Variants in DCUN1D3 observed in about 807,000 individuals in gnomAD.
DCUN1D3 encodes the protein DCN1-like protein 3.
DCUN1D3 carries 6 observed loss-of-function variants against 24.8 expected under a neutral mutation model. The observed-to-expected ratio is 0.24, with a 90% confidence interval of 0.13 to 0.48. The LOEUF is 0.48. DCUN1D3 is among the 20% of genes least tolerant of loss of function. DCUN1D3 has a pLI of 0.99. For synonymous variants in DCUN1D3, 120 were observed against 144.9 expected (o/e 0.83, Z 1.24); for missense variants, 258 against 379.4 (o/e 0.68, Z 2.66).
Position 20,860,847 on chromosome 16 carries a change from A to G in DCUN1D3, c.432-478T>C, listed in dbSNP as rs2081728721. ...GAGCCAAGGATTCTGAACCTGAGTA[A>G]TTCTACCACCAGAGATCAAAATTCT... On this transcript the variant is annotated intron_variant, in intron 2 of 2. Coordinates refer to ENST00000324344, the MANE Select transcript of DCUN1D3 (RefSeq NM_173475.4). The surrounding 1 kb of genome is among the most constrained non-coding windows in gnomAD (Gnocchi z 4.3). Among the ~76,000 whole-genome samples the G allele has an allele frequency of 6.6e-6, 1 of 152,228 alleles. No homozygotes were observed. The highest frequency in any genetic ancestry group is 1.5e-5 in the Non-Finnish European group (1 of 68,040).
intron 1 of DCUN1D3, among the ~76,000 whole-genome samples, chr16:20,889,013 A>C (rs2081879491): frequency 6.6e-6 from 1 of 152,162 alleles, no homozygotes; most frequent in Non-Finnish European, 1.5e-5. Context: ...AGATCACTTG[A>C]GGTCAGGAAT....
At position 20,857,762 on chromosome 16, in the gene DCUN1D3, C is replaced by T. The variant is rs1293598939; in HGVS notation, c.*2124G>A. 1 of 152,028 alleles carries T rather than the reference C, an allele frequency of 6.6e-6. No individual in the cohort carries two copies. The highest frequency in any genetic ancestry group is 6.5e-5 in the Admixed American group (1 of 15,272). The allele number at this position is 152,028 out of a possible 1,614,324, so 9.4% of individuals were successfully genotyped here. The stretch of plus-strand genomic sequence containing the variant: ...CTTCAGCTTTCTAGCAGTACTATAC[C>T]GTGGGTGATCTTAAAGTTTCCCATT... On this transcript the variant is annotated 3_prime_UTR_variant, in exon 3 of 3. Transcript: ENST00000324344.
chr16:20,862,634 G>C lies in DCUN1D3; in HGVS notation c.-96C>G. 1 of 1,518,320 alleles carries C rather than the reference G, an allele frequency of 6.6e-7. No individual in the cohort carries two copies. The highest frequency in any genetic ancestry group is 1.3e-5 in the South Asian group (1 of 75,772). 94.1% of individuals were successfully genotyped at this position (1,518,320 alleles called of 1,614,324 possible). A position where few individuals can be genotyped will look rare whatever the true frequency, so the allele number is the denominator to read the frequency against. ...CCTCAACATGCCATCAGCCAGAGGA[G>C]CCAGCCAACCTGGAAGGAAATTAGA... On this transcript the variant is annotated 5_prime_UTR_variant, in exon 2 of 3. Transcript: ENST00000324344.
chr16:20,875,974 TA>T (rs1328703253), intron 1 of DCUN1D3, among the ~76,000 whole-genome samples: 3 of 152,184 alleles, frequency 2.0e-5, no homozygotes, highest in African/African-American at 7.2e-5. Flanking sequence ...TTTATTTATT[TA>T]TTTTTTTTGA....
intron 1 of DCUN1D3, among the ~76,000 whole-genome samples, chr16:20,865,695 T>C (rs370652036): frequency 6.2e-4 from 95 of 152,316 alleles, no homozygotes; most frequent in African/African-American, 2.1e-3. Flanking sequence ...AAAAGATCTT[T>C]GAAAACCGGC....
intron 1 of DCUN1D3, among the ~76,000 whole-genome samples, chr16:20,891,057 G>A (rs753553278): frequency 2.0e-5 from 3 of 151,640 alleles, no homozygotes; most frequent in Admixed American, 1.3e-4. Context: ...GCTGTGGCGC[G>A]ATCTTGGCTC....
rs112616643 is a variant in DCUN1D3 at position 20,895,015 on chromosome 16, C to A, written c.-106+5189G>T. Reference sequence around the variant, plus strand: ...GTCAAAAATATTTGGAAAAAAAAAACCTAATAACAATACAACAATAAAAAA... The same window carrying A: ...GTCAAAAATATTTGGAAAAAAAAAAACTAATAACAATACAACAATAAAAAA... On this transcript the variant is annotated intron_variant, in intron 1 of 2. Transcript: ENST00000324344. Among the ~76,000 whole-genome samples, 1,314 of 151,944 alleles carry A rather than the reference C, an allele frequency of 8.6e-3. 20 individuals carry two copies. Among genetic ancestry groups the A allele is most frequent in the African/African-American group, 0.03 (1,246 of 41,424 alleles).
intron 1 of DCUN1D3, among the ~76,000 whole-genome samples, chr16:20,873,960 G>T (rs983423619): frequency 2.0e-5 from 3 of 152,188 alleles, no homozygotes. Context: ...AAGGGAAACT[G>T]AATTTTGAAG....
Position 20,862,324 on chromosome 16 carries a change from G to A in DCUN1D3, c.215C>T (p.Ser72Leu), listed in dbSNP as rs750898376. ...CTTGGACTCCCTCCCAGCATCTCCC[G>A]AGGACGTTGGCAGCTGGCAGGCCTC... ...ATEACQLPTS[S>L]GDAGRESKSN... The change falls in exon 2 of 3, where the codon TCG (serine) becomes TTG (leucine). Residue 72 changes from serine (S) to leucine (L), a missense_variant. Physicochemically the swap from Ser to Leu is moderately radical, Grantham distance 145. Transcript: ENST00000324344. 14 of 1,614,214 alleles carry A rather than the reference G, an allele frequency of 8.7e-6. No individual in the cohort carries two copies. Among genetic ancestry groups the A allele is most frequent in the Admixed American group, 8.3e-5 (5 of 60,028 alleles).
Position 20,859,540 on chromosome 16 carries a change from C to CAAAAAAAAAAAAAAAAAAAAAAAAA in DCUN1D3, c.*345_*346insTTTTTTTTTTTTTTTTTTTTTTTTT, listed in dbSNP as rs61506075. Reference sequence around the variant, plus strand: ...CGCCCTGCTCTATGCCCTCCCCTACCAAAAAAAAAAAAAAAAAAACAAAAA... The same window carrying CAAAAAAAAAAAAAAAAAAAAAAAAA: ...CGCCCTGCTCTATGCCCTCCCCTACCAAAAAAAAAAAAAAAAAAAAAAAAAAAAAAAAAAAAAAAAAAAACAAAAA... On this transcript the variant is annotated 3_prime_UTR_variant, in exon 3 of 3. Coordinates refer to ENST00000324344, the MANE Select transcript of DCUN1D3 (RefSeq NM_173475.4). The CAAAAAAAAAAAAAAAAAAAAAAAAA allele has an allele frequency of 1.3e-4, 9 of 71,476 alleles. 1 individual carries two copies. Among genetic ancestry groups the CAAAAAAAAAAAAAAAAAAAAAAAAA allele is most frequent in the Admixed American group, 6.4e-4 (3 of 4,710 alleles). 4.4% of individuals were successfully genotyped at this position (71,476 alleles called of 1,614,324 possible).
At position 20,857,904 on chromosome 16, in the gene DCUN1D3, AT is replaced by A. The variant is rs2081710215; in HGVS notation, c.*1981del. 6.6e-6 allele frequency: 1 copy of A among 152,404 alleles called. No individual in the cohort carries two copies. Among genetic ancestry groups the A allele is most frequent in the Admixed American group, 6.5e-5 (1 of 15,276 alleles). 9.4% of individuals were successfully genotyped at this position (152,404 alleles called of 1,614,324 possible). ...AAATACCAACTGCCAAAACTCTTTA[AT>A]AATCCTTAAGATGGGAGCCCAGAGC... On this transcript the variant is annotated 3_prime_UTR_variant, in exon 3 of 3. Coordinates refer to ENST00000324344, the MANE Select transcript of DCUN1D3 (RefSeq NM_173475.4).
intron 1 of DCUN1D3, among the ~76,000 whole-genome samples, chr16:20,881,240 CA>C (rs1028609912): frequency 1.3e-5 from 2 of 152,092 alleles, no homozygotes; most frequent in African/African-American, 2.4e-5. Context: ...TCTGTCTCTA[CA>C]AAAAAATTTA....
intron 1 of DCUN1D3, among the ~76,000 whole-genome samples, chr16:20,890,955 G>T (rs1362147848): frequency 6.6e-6 from 1 of 150,820 alleles, no homozygotes; most frequent in Non-Finnish European, 1.5e-5. Context: ...AATTTGGCCT[G>T]CCAAAGAGAA....
At chr16:20,874,515 C>A (rs1193772964) in intron 1 of DCUN1D3, among the ~76,000 whole-genome samples, 1 of 152,184 alleles carries the variant, frequency 6.6e-6, no homozygotes, top group Non-Finnish European at 1.5e-5. Flanking sequence ...ATGTGAAAGG[C>A]TGAAAGCAAA....
intron 1 of DCUN1D3, among the ~76,000 whole-genome samples, chr16:20,891,046 T>C (rs916583635): frequency 6.6e-6 from 1 of 151,776 alleles, no homozygotes; most frequent in Non-Finnish European, 1.5e-5. Context: ...CAGGCTGAAG[T>C]GCTGTGGCGC....
intron 1 of DCUN1D3, among the ~76,000 whole-genome samples, chr16:20,885,086 C>T (rs1261003664): frequency 1.3e-5 from 2 of 151,342 alleles, no homozygotes; most frequent in Non-Finnish European, 2.9e-5. Flanking sequence ...AGCAATTCTC[C>T]TGCCTCAGCC....
At chr16:20,894,137 G>A (rs986146968) in intron 1 of DCUN1D3, among the ~76,000 whole-genome samples, 1 of 152,100 alleles carries the variant, frequency 6.6e-6, no homozygotes, top group Non-Finnish European at 1.5e-5. Flanking sequence ...GCATGGTGGT[G>A]CAGGCCTGTA....
chr16:20,879,592 C>T (rs888764216), intron 1 of DCUN1D3, among the ~76,000 whole-genome samples: 1 of 152,146 alleles, frequency 6.6e-6, no homozygotes, highest in Admixed American at 6.5e-5. Flanking sequence ...ACCTTTGTGT[C>T]AAAGCAAAAG....
chr16:20,865,299 A>C (rs2081756227), intron 1 of DCUN1D3, among the ~76,000 whole-genome samples: 1 of 152,234 alleles, frequency 6.6e-6, no homozygotes, highest in African/African-American at 2.4e-5. Flanking sequence ...GATAATTGCT[A>C]GATGAAAAAG....
Sources: allele counts gnomAD v4.1 joint callset (sites outside exome capture counted in the v4.1 genomes callset), GRCh38; gene constraint gnomAD v4.1.1; non-coding constraint Gnocchi (gnomAD v3.1); transcripts MANE v1.5; gene names NCBI Gene and HGNC (gene_info 2026-07-23, HGNC 2026-07-21).